PPP2R2C: variants seen among roughly 807,000 people sequenced by gnomAD.
The protein encoded by PPP2R2C is protein phosphatase 2, regulatory subunit B, gamma.
Under a neutral mutation model 45.3 loss-of-function variants are expected in PPP2R2C, and 10 were observed. The ratio of observed to expected loss-of-function variants is 0.22; its 90% CI spans 0.14 to 0.37. The LOEUF is 0.37. Among genes scored for constraint, PPP2R2C ranks in the 10% least tolerant of loss-of-function variants. The pLI is 1.00. For missense variants in PPP2R2C, 308 were observed against 619.7 expected (o/e 0.50, Z 5.34); for synonymous variants, 257 against 245.4 (o/e 1.05, Z -0.44).
chr4:6,450,406 C>T (rs529250652), intron 1 of PPP2R2C, among the ~76,000 whole-genome samples: 1 of 152,200 alleles, frequency 6.6e-6, no homozygotes, highest in Admixed American at 6.5e-5. Flanking sequence ...AATGGTTACC[C>T]AGCTCTTCAT....
intron 1 of PPP2R2C, among the ~76,000 whole-genome samples, chr4:6,436,202 T>C (rs552863694): frequency 6.6e-6 from 1 of 152,330 alleles, no homozygotes; most frequent in East Asian, 1.9e-4. Context: ...AAAAGTATGC[T>C]GCTTACAAGC....
chr4:6,556,667 T>C (rs1255957643), intron 1 of PPP2R2C, among the ~76,000 whole-genome samples: 4 of 152,172 alleles, frequency 2.6e-5, no homozygotes, highest in Non-Finnish European at 5.9e-5. Context: ...AACCTTGTTC[T>C]TTCCAGAGCC....
chr4:6,502,751 T>C (rs938474153), intron 2 of PPP2R2C, among the ~76,000 whole-genome samples: 2 of 152,078 alleles, frequency 1.3e-5, no homozygotes, highest in South Asian at 4.1e-4. Context: ...CTCCTTCCAA[T>C]GAGGGTCTAT....
At chr4:6,482,058 T>G (rs1486427097) in intron 2 of PPP2R2C, among the ~76,000 whole-genome samples, 1 of 151,550 alleles carries the variant, frequency 6.6e-6, no homozygotes, top group Non-Finnish European at 1.5e-5. Flanking sequence ...AGCTTATAAT[T>G]AACCAGGAAA....
At chr4:6,422,813 A>G (rs1273508123) in intron 1 of PPP2R2C, among the ~76,000 whole-genome samples, 1 of 152,234 alleles carries the variant, frequency 6.6e-6, no homozygotes, top group Non-Finnish European at 1.5e-5. Flanking sequence ...TTAGGACTTC[A>G]ACATGTGAGT....
Position 6,512,834 on chromosome 4 carries a change from C to A in PPP2R2C, c.49+22437G>T, listed in dbSNP as rs115429798. 6.3e-3 allele frequency among the ~76,000 whole-genome samples: 961 copies of A among 151,924 alleles called. 13 individuals carry two copies. Among genetic ancestry groups the A allele is most frequent in the African/African-American group, 0.021 (875 of 41,342 alleles). On this transcript the variant is annotated intron_variant, in intron 2 of 9. Transcript: ENST00000506140. ...GCACTTGACACTTTTATGATAAGGG[C>A]CCAATAGCTGTAGGTTTCAGTTCAA...
intron 1 of PPP2R2C, among the ~76,000 whole-genome samples, chr4:6,544,177 C>G (rs1257346409): frequency 1.3e-5 from 2 of 152,202 alleles, no homozygotes; most frequent in Non-Finnish European, 2.9e-5. Context: ...GAGCCTGGTT[C>G]CTGTTGGCCT....
At chr4:6,562,863 C>A (rs965588634) in intron 1 of PPP2R2C, among the ~76,000 whole-genome samples, 1 of 151,778 alleles carries the variant, frequency 6.6e-6, no homozygotes, top group Non-Finnish European at 1.5e-5. Context: ...CGCATAAAAG[C>A]CAACCCGGGT....
intron 4 of PPP2R2C, 121 bp downstream of exon 4, chr4:6,375,691 CCCAGCAG>C: frequency 1.3e-6 from 1 of 766,744 alleles, no homozygotes; most frequent in Non-Finnish European, 2.2e-6. Flanking sequence ...CCCGTGGCCG[CCCAGCAG>C]CCAGCAGCCC....
At chr4:6,548,728 A>AG (rs1480689601) in intron 1 of PPP2R2C, among the ~76,000 whole-genome samples, 1 of 152,118 alleles carries the variant, frequency 6.6e-6, no homozygotes, top group Non-Finnish European at 1.5e-5. Context: ...AAATCCCTCC[A>AG]GGGGGCAGTC....
intron 1 of PPP2R2C, chr4:6,383,769 C>CTACA: frequency 1.0e-6 from 1 of 974,570 alleles, no homozygotes. Context: ...AGGGCAGGAG[C>CTACA]CTCAGGCTTA....
At chr4:6,465,567 A>G (rs772934398) in intron 1 of PPP2R2C, among the ~76,000 whole-genome samples, 24 of 152,194 alleles carry the variant, frequency 1.6e-4, no homozygotes, top group Non-Finnish European at 3.4e-4. Context: ...AAGGAAAAGC[A>G]TCATTAAAGG....
rs989176202 is a variant in PPP2R2C, at chr4:6,563,346, C to CCCTG, written c.-59+210_-59+213dup. ...GCACTTCGGACCCTAGCAGAGCCAG[C>CCCTG]CCTGCCCCAGGACCGCCCCGGGGTC... is the stretch of plus-strand genomic sequence containing the variant. On this transcript the variant is annotated intron_variant, in intron 1 of 9. Coordinates refer to the PPP2R2C transcript ENST00000506140. This position sits in a 1 kb window ranked among gnomAD's most constrained non-coding sequence, Gnocchi z 5.8. 6.6e-6 allele frequency among the ~76,000 whole-genome samples: 1 copy of CCCTG among 152,212 alleles called. No homozygotes were observed. Among genetic ancestry groups the CCCTG allele is most frequent in the Admixed American group, 6.5e-5 (1 of 15,294 alleles).
At chr4:6,562,291 A>T (rs368583597) in intron 1 of PPP2R2C, among the ~76,000 whole-genome samples, 22 of 152,246 alleles carry the variant, frequency 1.4e-4, no homozygotes, top group East Asian at 1.3e-3. Flanking sequence ...CATGTTGCTG[A>T]CAGTGTCCCT....
intron 6 of PPP2R2C, among the ~76,000 whole-genome samples, chr4:6,340,408 T>C (rs911728160): frequency 2.6e-5 from 4 of 151,890 alleles, no homozygotes; most frequent in East Asian, 1.9e-4. Flanking sequence ...ATGCCCTTCA[T>C]GGAAACCTTC....
Position 6,391,256 on chromosome 4 carries a change from C to T in PPP2R2C, c.71-10162G>A, listed in dbSNP as rs141289159. ...CACCTTGGAAACAATCCCTGTTCCA[C>T]CTCATTGTGGCTGTGACCCTGGGCA... On this transcript the variant is annotated intron_variant, in intron 1 of 8. Coordinates refer to ENST00000382599, the MANE Select transcript of PPP2R2C (RefSeq NM_020416.4). 3.0e-3 allele frequency among the ~76,000 whole-genome samples: 457 copies of T among 152,244 alleles called. 5 individuals are homozygous for T. Among genetic ancestry groups the T allele is most frequent in the African/African-American group, 0.01 (433 of 41,550 alleles).
intron 5 of PPP2R2C, among the ~76,000 whole-genome samples, chr4:6,348,428 C>G (rs946669368): frequency 6.6e-6 from 1 of 152,038 alleles, no homozygotes; most frequent in Non-Finnish European, 1.5e-5. Context: ...GCAGTGGATG[C>G]TATTGGTGAA....
intron 1 of PPP2R2C, among the ~76,000 whole-genome samples, chr4:6,408,530 G>A (rs1333867881): frequency 3.3e-5 from 5 of 152,326 alleles, no homozygotes; most frequent in East Asian, 1.9e-4. Context: ...AGGTTTCAAT[G>A]GGGAGGTAGG....
intron 2 of PPP2R2C, among the ~76,000 whole-genome samples, chr4:6,528,913 C>T (rs1028432185): frequency 1.3e-5 from 2 of 152,220 alleles, no homozygotes; most frequent in Non-Finnish European, 2.9e-5. Flanking sequence ...TCTCCCTTTG[C>T]TGACTGTCTT....
Sources: allele counts gnomAD v4.1 joint callset (sites outside exome capture counted in the v4.1 genomes callset), GRCh38; gene constraint gnomAD v4.1.1; non-coding constraint Gnocchi (gnomAD v3.1); transcripts MANE v1.5; gene names NCBI Gene and HGNC (gene_info 2026-07-23, HGNC 2026-07-21).